The following PTPRD variants were observed in gnomAD, a reference collection of about 807,000 sequenced individuals.
PTPRD encodes receptor-type tyrosine-protein phosphatase delta.
PTPRD carries 34 observed loss-of-function variants against 214.5 expected under a neutral mutation model. That is an observed-to-expected ratio of 0.16 (90% CI 0.12 to 0.21). The LOEUF is 0.21. Ranked by LOEUF, PTPRD falls within the 10% of genes least tolerant of loss-of-function variation. PTPRD has a pLI of 1.00. For synonymous variants in PTPRD, 1,128 were observed against 845.7 expected (o/e 1.33, Z -5.79); for missense variants, 2,545 against 2,398.7 (o/e 1.06, Z -1.27).
intron 11 of PTPRD, among the ~76,000 whole-genome samples, chr9:8,745,876 C>G (rs989335287): frequency 1.9e-4 from 29 of 152,140 alleles, no homozygotes; most frequent in African/African-American, 6.7e-4. Flanking sequence ...CAGGTCACTG[C>G]AGCCTGGAAA....
At chr9:9,019,300 G>GA (rs544962153) in intron 10 of PTPRD, among the ~76,000 whole-genome samples, 1 of 63,210 alleles carries the variant, frequency 1.6e-5, no homozygotes, top group Non-Finnish European at 3.3e-5. Context: ...AAGAAAGAAA[G>GA]AAAGAAAGAA....
At chr9:9,776,108 T>C (rs568402069) in intron 5 of PTPRD, among the ~76,000 whole-genome samples, 2 of 152,276 alleles carry the variant, frequency 1.3e-5, no homozygotes, top group Admixed American at 1.3e-4. Context: ...CAGTCTTACA[T>C]GCCCACATTT....
At chr9:9,319,702 T>G (rs1329810553) in intron 9 of PTPRD, among the ~76,000 whole-genome samples, 8 of 152,066 alleles carry the variant, frequency 5.3e-5, no homozygotes, top group Non-Finnish European at 1.0e-4. Flanking sequence ...ACTCAAAAAT[T>G]CCAAAAAGAA....
At chr9:8,970,958 G>A (rs566688496) in intron 11 of PTPRD, among the ~76,000 whole-genome samples, 2 of 151,186 alleles carry the variant, frequency 1.3e-5, no homozygotes, top group African/African-American at 4.9e-5. Context: ...GAATTAACCG[G>A]AGATATGTTC....
At chr9:10,403,105 T>C (rs12338949) in intron 2 of PTPRD, among the ~76,000 whole-genome samples, 13,471 of 150,652 alleles carry the variant, frequency 0.089, 1,271 homozygotes, top group East Asian at 0.46. Context: ...GGTATAGAAA[T>C]AAAGGTGCAG....
At chr9:9,743,731 T>TGCAC (rs776440539) in intron 6 of PTPRD, among the ~76,000 whole-genome samples, 4 of 80,430 alleles carry the variant, frequency 5.0e-5, no homozygotes, top group African/African-American at 3.9e-4. Flanking sequence ...ACTCAGTCTA[T>TGCAC]ACACACACAC....
At chr9:9,930,024 A>C (rs771226860) in intron 5 of PTPRD, among the ~76,000 whole-genome samples, 2 of 152,142 alleles carry the variant, frequency 1.3e-5, no homozygotes, top group Non-Finnish European at 2.9e-5. Context: ...AGTCTGTAGG[A>C]AACAAAACAA....
chr9:9,025,443 T>C (rs73428099), intron 10 of PTPRD, among the ~76,000 whole-genome samples: 4,730 of 152,140 alleles, frequency 0.031, 96 homozygotes, highest in Middle Eastern at 0.054. Flanking sequence ...CAGATGTGTA[T>C]TCCTGTGTAT....
intron 2 of PTPRD, among the ~76,000 whole-genome samples, chr9:10,405,267 A>G (rs1270576686): frequency 6.6e-6 from 1 of 151,754 alleles, no homozygotes; most frequent in Admixed American, 6.6e-5. Flanking sequence ...GAAAGCTACC[A>G]TGCATCTTGG....
chr9:9,711,504 T>A (rs1454872777), intron 7 of PTPRD, among the ~76,000 whole-genome samples: 1 of 152,178 alleles, frequency 6.6e-6, no homozygotes, highest in South Asian at 2.1e-4. Flanking sequence ...TAATAATAAT[T>A]ATAATTAGAC....
intron 2 of PTPRD, among the ~76,000 whole-genome samples, chr9:10,546,246 C>T (rs1023326889): frequency 6.6e-6 from 1 of 151,618 alleles, no homozygotes; most frequent in Non-Finnish European, 1.5e-5. Context: ...AGTAGCTGTT[C>T]TTAGTTTGAG....
chr9:9,834,953 C>A (rs2056296682), intron 5 of PTPRD, among the ~76,000 whole-genome samples: 1 of 151,170 alleles, frequency 6.6e-6, no homozygotes, highest in African/African-American at 2.4e-5. Flanking sequence ...TTTGTTCCAT[C>A]CCAGATAAGA....
chr9:9,825,451 GAA>G, intron 5 of PTPRD, among the ~76,000 whole-genome samples: 1 of 151,408 alleles, frequency 6.6e-6, no homozygotes. Context: ...GAAAGAAAGA[GAA>G]AGAGAGAAAG....
chr9:9,822,134 T>C (rs2050969804), intron 5 of PTPRD, among the ~76,000 whole-genome samples: 1 of 151,142 alleles, frequency 6.6e-6, no homozygotes, highest in Non-Finnish European at 1.5e-5. Flanking sequence ...TAGAATAGGC[T>C]GGATGTGGTG....
intron 35 of PTPRD, among the ~76,000 whole-genome samples, chr9:8,418,630 T>C (rs1225302345): frequency 3.9e-5 from 6 of 151,944 alleles, no homozygotes; most frequent in African/African-American, 1.2e-4. Flanking sequence ...TCTTTCAAGG[T>C]TGGGAAACTT....
intron 3 of PTPRD, among the ~76,000 whole-genome samples, chr9:10,278,628 G>C (rs1455590917): frequency 6.6e-6 from 1 of 151,994 alleles, no homozygotes; most frequent in Non-Finnish European, 1.5e-5. Context: ...TCCTCACTTA[G>C]AATATAAACA....
At chr9:10,514,254 C>T (rs1288710936) in intron 2 of PTPRD, among the ~76,000 whole-genome samples, 1 of 151,800 alleles carries the variant, frequency 6.6e-6, no homozygotes, top group East Asian at 1.9e-4. Context: ...CTAAACTCTG[C>T]ATATTTAATT....
chr9:8,542,864 G>T (rs1016680141), intron 14 of PTPRD, among the ~76,000 whole-genome samples: 14 of 152,168 alleles, frequency 9.2e-5, no homozygotes, highest in African/African-American at 3.1e-4. Context: ...GTCTAGAATG[G>T]GTTGTAAATA....
chr9:9,498,480 C>T (rs888958834), intron 8 of PTPRD, among the ~76,000 whole-genome samples: 2 of 152,042 alleles, frequency 1.3e-5, no homozygotes, highest in Non-Finnish European at 2.9e-5. Context: ...GAACTTTCTC[C>T]AGAGCCTTTC....
Sources: gnomAD v4.1 joint callset for allele counts (sites outside exome capture counted in the v4.1 genomes callset) on GRCh38, gnomAD v4.1.1 for gene constraint, MANE v1.5 for transcripts, NCBI Gene and HGNC (gene_info 2026-07-23, HGNC 2026-07-21) for gene names.